The following RPN2 variants were observed in gnomAD, a reference collection of about 807,000 sequenced individuals.
RPN2 encodes ribophorin II, also known as dolichyl-diphosphooligosaccharide--protein glycosyltransferase subunit 2.
Under a neutral mutation model 71.4 loss-of-function variants are expected in RPN2, and 29 were observed. That is an observed-to-expected ratio of 0.41 (90% CI 0.30 to 0.55). RPN2 has a LOEUF of 0.55. Ranked by LOEUF, RPN2 falls within the 20% of genes least tolerant of loss-of-function variation. RPN2 has a pLI of 0.35. For synonymous variants in RPN2, 308 were observed against 305.0 expected, an observed-to-expected ratio of 1.01 and a Z score of -0.10; for missense variants, 726 against 774.1, an observed-to-expected ratio of 0.94 and a Z score of 0.74.
chr20:37,181,005 C>G, intron 1 of RPN2, among the ~76,000 whole-genome samples: 1 of 151,866 alleles, frequency 6.6e-6, no homozygotes, highest in African/African-American at 2.4e-5. Context: ...CTGAGGCGGG[C>G]GGATCACGAG....
At chr20:37,207,796 C>T (rs1469529930) in intron 7 of RPN2, among the ~76,000 whole-genome samples, 1 of 152,088 alleles carries the variant, frequency 6.6e-6, no homozygotes, top group Non-Finnish European at 1.5e-5. Context: ...ATTCTTGTGC[C>T]TCAGTCTCCC....
At chr20:37,208,389 T>C (rs1482844097) in intron 7 of RPN2, among the ~76,000 whole-genome samples, 9 of 152,208 alleles carry the variant, frequency 5.9e-5, no homozygotes, top group African/African-American at 2.2e-4. Context: ...TACCAAACTT[T>C]CTTTTTCATA....
In RPN2 at chr20:37,232,299, C is replaced by G; in HGVS notation, c.1585C>G (p.Leu529Val). The change falls in exon 14 of 17, where the codon CTG becomes GTG. Residue 529 changes from leucine to valine, a missense_variant. Coordinates refer to ENST00000237530, the MANE Select transcript of RPN2 (RefSeq NM_002951.5). ...TTCTTGGTGTGTCTTTCGGCAGCAC[C>G]TGTTCCGCGAGCCTGAGAAGAGGCC... is the stretch of plus-strand genomic sequence containing the variant. Reference protein sequence around the residue: ...LFTPKQEIQHLFREPEKRPPT... With the variant: ...LFTPKQEIQHVFREPEKRPPT... 2 of 1,614,206 alleles carry G rather than the reference C, an allele frequency of 1.2e-6. No homozygotes were observed. Among genetic ancestry groups the G allele is most frequent in the South Asian group, 1.1e-5 (1 of 91,086 alleles).
At chr20:37,202,220 A>G (rs893477349) in intron 4 of RPN2, among the ~76,000 whole-genome samples, 4 of 152,164 alleles carry the variant, frequency 2.6e-5, no homozygotes, top group Admixed American at 2.6e-4. Flanking sequence ...TCACGGGCAG[A>G]TGTGTGATTT....
intron 9 of RPN2, among the ~76,000 whole-genome samples, chr20:37,214,292 A>C (rs2067752920): frequency 6.6e-6 from 1 of 152,230 alleles, no homozygotes; most frequent in South Asian, 2.1e-4. Flanking sequence ...TAATGAAGCT[A>C]TTTGGGTAAA....
intron 16 of RPN2, among the ~76,000 whole-genome samples, chr20:37,239,798 G>T (rs1452225824): frequency 4.6e-5 from 7 of 152,052 alleles, no homozygotes; most frequent in African/African-American, 1.7e-4. Context: ...CCACTCCCTG[G>T]CTATGCCCGT....
chr20:37,182,686 C>T lies in RPN2; in HGVS notation c.14-1494C>T, dbSNP rs115500293. ...TTGGGATTACAGAAGTGAGCCAGTG[C>T]CGCTGGCCAATAGTGCCTTTTTTCA... On this transcript the variant is annotated intron_variant, in intron 1 of 16. Coordinates refer to ENST00000237530, the MANE Select transcript of RPN2 (RefSeq NM_002951.5). 2.8e-3 allele frequency among the ~76,000 whole-genome samples: 428 copies of T among 152,304 alleles called. 2 individuals are homozygous for T. The highest frequency in any genetic ancestry group is 9.9e-3 in the African/African-American group (413 of 41,566).
chr20:37,217,515 T>A (rs2067841868), intron 9 of RPN2, among the ~76,000 whole-genome samples: 5 of 151,658 alleles, frequency 3.3e-5, no homozygotes, highest in African/African-American at 9.7e-5. Flanking sequence ...ATGGTCTTGA[T>A]CTCTTGACCT....
At chr20:37,184,110 A>G (rs772220569) in intron 1 of RPN2, 70 bp from the exon 2 acceptor site, 22 of 1,569,716 alleles carry the variant, frequency 1.4e-5, no homozygotes, top group East Asian at 2.2e-5. Flanking sequence ...CTTGGTGTGC[A>G]TCATCATTGG....
Position 37,188,486 on chromosome 20 carries a change from C to T in RPN2, c.207+4113C>T, listed in dbSNP as rs1364200495. 3.9e-5 allele frequency among the ~76,000 whole-genome samples: 6 copies of T among 152,048 alleles called. No individual in the cohort carries two copies. The East Asian group carries it at 1.2e-3, about 29-fold the overall frequency. Reference sequence around the variant, plus strand: ...TACTTTTTAACCTTCTTTCAAGGATCCCAGCCTTTGCTGTCTGTTGTTCAG... The same window carrying T: ...TACTTTTTAACCTTCTTTCAAGGATTCCAGCCTTTGCTGTCTGTTGTTCAG... On this transcript the variant is annotated intron_variant, in intron 2 of 16. Coordinates refer to ENST00000237530, the MANE Select transcript of RPN2 (RefSeq NM_002951.5).
chr20:37,188,985 G>A (rs921557800), intron 2 of RPN2, among the ~76,000 whole-genome samples: 15 of 151,878 alleles, frequency 9.9e-5, no homozygotes, highest in African/African-American at 3.6e-4. Flanking sequence ...CCGGGCTGGA[G>A]TGCAGTTTTG....
At chr20:37,180,212 G>C (rs1033991914) in intron 1 of RPN2, among the ~76,000 whole-genome samples, 2 of 152,186 alleles carry the variant, frequency 1.3e-5, no homozygotes, top group Non-Finnish European at 2.9e-5. Context: ...ACATGAATGA[G>C]TCAGTGGCTC....
intron 16 of RPN2, among the ~76,000 whole-genome samples, chr20:37,241,021 TCTC>T (rs1435295354): frequency 2.0e-5 from 3 of 152,244 alleles, no homozygotes; most frequent in African/African-American, 7.2e-5. Context: ...AATTACCTCA[TCTC>T]CTTATGTTGT....
At chr20:37,210,256 T>A (rs1422242372) in intron 8 of RPN2, 91 bp downstream of exon 8, 2 of 1,597,342 alleles carry the variant, frequency 1.3e-6, no homozygotes, top group Non-Finnish European at 1.7e-6. Context: ...ACATTCCAGT[T>A]AGGTAAATTT....
intron 16 of RPN2, among the ~76,000 whole-genome samples, chr20:37,239,597 G>A (rs1414279551): frequency 6.6e-6 from 1 of 151,574 alleles, no homozygotes; most frequent in Non-Finnish European, 1.5e-5. Flanking sequence ...TTGTTTGTTT[G>A]TTTGTTTGTT....
At chr20:37,226,967 C>G (rs2068093196) in intron 11 of RPN2, among the ~76,000 whole-genome samples, 1 of 152,232 alleles carries the variant, frequency 6.6e-6, no homozygotes, top group Non-Finnish European at 1.5e-5. Context: ...TGCCTTGAGG[C>G]AGCTTCAGGG....
At chr20:37,226,047 C>T (rs2068067399) in intron 11 of RPN2, among the ~76,000 whole-genome samples, 1 of 152,094 alleles carries the variant, frequency 6.6e-6, no homozygotes, top group Non-Finnish European at 1.5e-5. Flanking sequence ...GTACTTAAGG[C>T]AGATTTGCAC....
In RPN2 at chr20:37,214,598, C is replaced by T. The variant is rs76547313; in HGVS notation, c.1092+733C>T. On this transcript the variant is annotated intron_variant, in intron 9 of 16. Transcript: ENST00000237530. The stretch of plus-strand genomic sequence containing the variant: ...TTCTTTGTCTTTCATGACCTTGACA[C>T]TTGAAGAGGATGGGCTCTCAATCTG... Among the ~76,000 whole-genome samples, 368 of 152,284 alleles carry T rather than the reference C, an allele frequency of 2.4e-3. 3 individuals carry two copies. The highest frequency in any genetic ancestry group is 8.6e-3 in the African/African-American group (356 of 41,550).
At chr20:37,236,202 C>T (rs2068384713) in intron 15 of RPN2, among the ~76,000 whole-genome samples, 1 of 152,076 alleles carries the variant, frequency 6.6e-6, no homozygotes. Context: ...AAGCGATCTT[C>T]CTACCTCAGC....
Sources: allele counts gnomAD v4.1 joint callset (sites outside exome capture counted in the v4.1 genomes callset), GRCh38; gene constraint gnomAD v4.1.1; transcripts MANE v1.5; gene names NCBI Gene and HGNC (gene_info 2026-07-23, HGNC 2026-07-21).